Variants in BLVRA observed in about 807,000 individuals in gnomAD.
The protein encoded by BLVRA is BVR A.
A neutral mutation model predicts 32.8 loss-of-function variants in BLVRA; 22 were observed. The observed-to-expected ratio is 0.67, with a 90% CI of 0.48 to 0.96. The LOEUF (loss-of-function observed/expected upper bound fraction) is 0.96. Ranked by LOEUF, BLVRA falls within the 40% of genes least tolerant of loss-of-function variation. BLVRA has a pLI of 0.00. For synonymous variants in BLVRA, 119 were observed against 141.3 expected (o/e 0.84, Z 1.12); for missense variants, 323 against 358.1 (o/e 0.90, Z 0.79).
intron 2 of BLVRA, among the ~76,000 whole-genome samples, chr7:43,776,972 A>G (rs140441017): frequency 0.15 from 23,099 of 151,844 alleles, 2,205 homozygotes; most frequent in Non-Finnish European, 0.21. Context: ...AACCCCTACC[A>G]TTTTTTGTTT....
intron 1 of BLVRA, among the ~76,000 whole-genome samples, chr7:43,767,976 T>C (rs1466521073): frequency 6.6e-6 from 1 of 152,108 alleles, no homozygotes; most frequent in Admixed American, 6.5e-5. Context: ...CTAGGTCAGA[T>C]TGGAATTTTA....
In BLVRA at chr7:43,787,785, G is replaced by T. The variant is rs2095779615; in HGVS notation, c.13-119G>T. The T allele has an allele frequency of 1.3e-6, 2 of 1,489,512 alleles. No homozygotes were observed. The highest frequency in any genetic ancestry group is 2.3e-5 in the East Asian group (1 of 44,278). The allele number at this position is 1,489,512 out of a possible 1,614,324, so 92.3% of individuals were successfully genotyped here. A position where few individuals can be genotyped will look rare whatever the true frequency, so the allele number is the denominator to read the frequency against. On this transcript the variant is annotated intron_variant, in intron 2 of 7. Coordinates refer to ENST00000265523, the MANE Select transcript of BLVRA (RefSeq NM_000712.4). This position sits in a 1 kb window ranked among gnomAD's most constrained non-coding sequence, Gnocchi z 4.5. The stretch of plus-strand genomic sequence containing the variant: ...TCCCATCCTGATGCTGTGGCTTCCT[G>T]TGTGTTTTGGGCTGGCTTCCATCTT...
intron 2 of BLVRA, among the ~76,000 whole-genome samples, chr7:43,785,044 C>T (rs373285306): frequency 3.4e-4 from 51 of 152,160 alleles, no homozygotes; most frequent in African/African-American, 1.2e-3. Flanking sequence ...GTATCATTAA[C>T]TAATGAAATC....
chr7:43,789,682 A>C (rs946845066), intron 3 of BLVRA, among the ~76,000 whole-genome samples: 1 of 83,158 alleles, frequency 1.2e-5, no homozygotes, highest in African/African-American at 3.2e-5. Flanking sequence ...TGGCCAGGTC[A>C]CACCCCTGCA....
At position 43,783,255 on chromosome 7, in the gene BLVRA, T is replaced by C. The variant is rs543193902; in HGVS notation, c.13-4649T>C. On this transcript the variant is annotated intron_variant, in intron 2 of 7. Transcript: ENST00000265523. ...TATCCCTGTTTCCCAGCCACTCTGT[T>C]TTTCTTGCTCCCAGCAAGAGCATGT... 4.6e-5 allele frequency among the ~76,000 whole-genome samples: 7 copies of C among 152,326 alleles called. No individual in the cohort carries two copies. In the South Asian group the frequency reaches 1.0e-3, roughly 23 times the overall value.
chr7:43,764,736 C>G (rs1021158983), intron 1 of BLVRA, among the ~76,000 whole-genome samples: 3 of 152,210 alleles, frequency 2.0e-5, no homozygotes, highest in Admixed American at 6.5e-5. Flanking sequence ...CCAAGCCAGA[C>G]ACCAAGAAAG....
chr7:43,805,163 A>G (rs1441490068), intron 7 of BLVRA, among the ~76,000 whole-genome samples: 1 of 152,150 alleles, frequency 6.6e-6, no homozygotes, highest in Non-Finnish European at 1.5e-5. Flanking sequence ...AGGGAAGGGG[A>G]ACCTGGACTA....
chr7:43,775,348 A>C (rs1312479759), intron 2 of BLVRA, among the ~76,000 whole-genome samples: 2 of 152,212 alleles, frequency 1.3e-5, no homozygotes, highest in Non-Finnish European at 1.5e-5. Flanking sequence ...TTTTAGCATG[A>C]AGCATTGTTG....
At chr7:43,802,886 C>T (rs17239692) in intron 6 of BLVRA, among the ~76,000 whole-genome samples, 7,292 of 151,124 alleles carry the variant, frequency 0.048, 248 homozygotes, top group South Asian at 0.085. Flanking sequence ...TACAGGCACC[C>T]GTCACTATGC....
chr7:43,796,483 C>G (rs976364509), intron 5 of BLVRA, among the ~76,000 whole-genome samples: 59 of 152,168 alleles, frequency 3.9e-4, no homozygotes, highest in African/African-American at 1.3e-3. Context: ...AAAAAGTGGT[C>G]CCAGGAAAAC....
intron 2 of BLVRA, among the ~76,000 whole-genome samples, chr7:43,786,830 G>A (rs2095778204): frequency 6.6e-6 from 1 of 152,098 alleles, no homozygotes; most frequent in Non-Finnish European, 1.5e-5. Context: ...GTGACAACTG[G>A]GTACAGAGGT....
chr7:43,773,591 A>G (rs917549141), intron 2 of BLVRA, among the ~76,000 whole-genome samples: 3 of 152,224 alleles, frequency 2.0e-5, no homozygotes, highest in African/African-American at 4.8e-5. Context: ...TAGTGCCGCA[A>G]TAAACATACG....
intron 2 of BLVRA, among the ~76,000 whole-genome samples, chr7:43,778,149 A>C (rs1247095700): frequency 1.3e-5 from 2 of 152,178 alleles, no homozygotes; most frequent in African/African-American, 2.4e-5. Flanking sequence ...AACTCATCAA[A>C]GCCATTCTCC....
chr7:43,783,459 T>C (rs761544293), intron 2 of BLVRA, among the ~76,000 whole-genome samples: 42 of 152,238 alleles, frequency 2.8e-4, no homozygotes, highest in Non-Finnish European at 4.0e-4. Context: ...ACCAGTCCCT[T>C]TCAATATATA....
chr7:43,792,251 A>G (rs1222310610), intron 4 of BLVRA, among the ~76,000 whole-genome samples: 1 of 152,224 alleles, frequency 6.6e-6, no homozygotes, highest in Non-Finnish European at 1.5e-5. Context: ...CGCTGCTCAC[A>G]GTGAAATATA....
intron 3 of BLVRA, 33 bp downstream of exon 3, chr7:43,788,058 A>T (rs765939375): frequency 3.7e-6 from 6 of 1,613,968 alleles, no homozygotes; most frequent in Non-Finnish European, 5.1e-6. Flanking sequence ...TTCATAATTC[A>T]TGGAAAGCCC....
At chr7:43,758,392 A>ACACC (rs1422045432), upstream of BLVRA, among the ~76,000 whole-genome samples, 2 of 111,870 alleles carry the variant, frequency 1.8e-5, no homozygotes, top group Non-Finnish European at 2.3e-5. Flanking sequence ...GAGGGGGCCC[A>ACACC]GCCACTTCCA....
intron 2 of BLVRA, among the ~76,000 whole-genome samples, chr7:43,781,768 C>A (rs889283725): frequency 6.6e-6 from 1 of 152,192 alleles, no homozygotes; most frequent in Non-Finnish European, 1.5e-5. Flanking sequence ...TTAGTCCTAA[C>A]AAAAGGCCTA....
intron 2 of BLVRA, among the ~76,000 whole-genome samples, chr7:43,783,496 A>G (rs748156955): frequency 1.3e-5 from 2 of 152,062 alleles, no homozygotes; most frequent in Non-Finnish European, 2.9e-5. Flanking sequence ...TTTTATTTTT[A>G]TATTGCCATG....
Sources: allele counts gnomAD v4.1 joint callset (sites outside exome capture counted in the v4.1 genomes callset), GRCh38; gene constraint gnomAD v4.1.1; non-coding constraint Gnocchi (gnomAD v3.1); transcripts MANE v1.5; gene names NCBI Gene and HGNC (gene_info 2026-07-23, HGNC 2026-07-21).